Variants in ADAMTSL1 observed in about 807,000 individuals in gnomAD.
The protein encoded by ADAMTSL1 is ADAMTS-like protein 1.
In ADAMTSL1, 126 loss-of-function variants were observed where a neutral mutation model predicts 201.8. That is an observed-to-expected ratio of 0.62 (90% CI 0.54 to 0.72). The LOEUF is 0.72. Among genes scored for constraint, ADAMTSL1 ranks in the 30% least tolerant of loss-of-function variants. The pLI is 0.00. For missense variants in ADAMTSL1, 2,679 were observed against 2,277.8 expected (o/e 1.18, Z -3.59); for synonymous variants, 1,121 against 903.4 (o/e 1.24, Z -4.32).
intron 2 of ADAMTSL1, among the ~76,000 whole-genome samples, chr9:18,217,925 G>T (rs1353167446): frequency 1.3e-5 from 2 of 151,966 alleles, no homozygotes; most frequent in East Asian, 3.9e-4. Flanking sequence ...TGGGAGTGGG[G>T]GTAAGGGTGT....
chr9:18,228,348 C>G (rs1352880132), intron 2 of ADAMTSL1, among the ~76,000 whole-genome samples: 2 of 152,160 alleles, frequency 1.3e-5, no homozygotes, highest in East Asian at 3.9e-4. Context: ...GGGCTAGAGT[C>G]ATTTTGGCCA....
intron 2 of ADAMTSL1, among the ~76,000 whole-genome samples, chr9:18,327,096 A>G (rs1366772865): frequency 1.3e-5 from 2 of 152,246 alleles, no homozygotes; most frequent in Non-Finnish European, 2.9e-5. Context: ...AAATTTTCAA[A>G]TTACTGGTAC....
intron 4 of ADAMTSL1, among the ~76,000 whole-genome samples, chr9:18,585,902 T>C (rs760089898): frequency 2.6e-5 from 4 of 152,092 alleles, no homozygotes; most frequent in Non-Finnish European, 5.9e-5. Context: ...CTCTTCTTGT[T>C]AAAAATTTAA....
At chr9:18,839,701 TC>T (rs1392668300) in intron 23 of ADAMTSL1, among the ~76,000 whole-genome samples, 1 of 152,160 alleles carries the variant, frequency 6.6e-6, no homozygotes, top group Non-Finnish European at 1.5e-5. Context: ...ACCTGTTGTT[TC>T]CTGACTTTTT....
At position 18,138,437 on chromosome 9, in the gene ADAMTSL1, G is replaced by A. The variant is rs899501967; in HGVS notation, c.88-25425G>A. The stretch of plus-strand genomic sequence containing the variant: ...TTTTAGGGAGTAACGAACTTGAGGA[G>A]GCTGTAGGTTTGCAAACCTGCAAAT... On this transcript the variant is annotated intron_variant, in intron 1 of 29. Transcript: ENST00000680146. 2.0e-5 allele frequency among the ~76,000 whole-genome samples: 3 copies of A among 152,110 alleles called. No individual in the cohort carries two copies. The East Asian group carries it at 5.8e-4, about 29-fold the overall frequency.
chr9:18,253,787 C>G (rs1230459788), intron 2 of ADAMTSL1, among the ~76,000 whole-genome samples: 1 of 152,136 alleles, frequency 6.6e-6, no homozygotes, highest in Non-Finnish European at 1.5e-5. Flanking sequence ...TTCCGGAGAT[C>G]TCCCCTTAAA....
At chr9:18,253,321 T>C (rs945463499) in intron 2 of ADAMTSL1, among the ~76,000 whole-genome samples, 4 of 152,234 alleles carry the variant, frequency 2.6e-5, no homozygotes, top group Non-Finnish European at 5.9e-5. Flanking sequence ...TGGATGGAGA[T>C]GACTAATTTC....
intron 2 of ADAMTSL1, among the ~76,000 whole-genome samples, chr9:18,196,117 C>G (rs1829166982): frequency 6.6e-6 from 1 of 152,070 alleles, no homozygotes; most frequent in African/African-American, 2.4e-5. Context: ...TGCCATTCAT[C>G]TACTACATAG....
At chr9:18,081,500 C>G (rs904228376) in intron 1 of ADAMTSL1, among the ~76,000 whole-genome samples, 3 of 152,090 alleles carry the variant, frequency 2.0e-5, no homozygotes, top group Non-Finnish European at 4.4e-5. Context: ...AAACATTTAA[C>G]AAGTCTTCAT....
intron 1 of ADAMTSL1, among the ~76,000 whole-genome samples, chr9:18,061,667 T>C (rs1453198273): frequency 6.6e-6 from 1 of 152,200 alleles, no homozygotes; most frequent in Non-Finnish European, 1.5e-5. Flanking sequence ...GCAGTATAAA[T>C]ATAGCATTCA....
At chr9:17,928,507 G>C (rs1482741310) in intron 1 of ADAMTSL1, among the ~76,000 whole-genome samples, 1 of 152,184 alleles carries the variant, frequency 6.6e-6, no homozygotes, top group Non-Finnish European at 1.5e-5. Context: ...GAGGATTCTT[G>C]TGTTTAGTCT....
At chr9:18,570,653 C>G (rs898290295) in intron 3 of ADAMTSL1, among the ~76,000 whole-genome samples, 2 of 152,158 alleles carry the variant, frequency 1.3e-5, no homozygotes, top group Admixed American at 1.3e-4. Flanking sequence ...TTTCTTAAGT[C>G]CTTTTTCTTA....
intron 15 of ADAMTSL1, among the ~76,000 whole-genome samples, chr9:18,735,396 C>G (rs958102682): frequency 2.0e-5 from 3 of 152,152 alleles, no homozygotes; most frequent in African/African-American, 7.2e-5. Context: ...TTTAAGGCAT[C>G]CCTTCATCCC....
chr9:18,008,958 G>A lies in ADAMTSL1; in HGVS notation c.87+102036G>A, dbSNP rs529043998. Among the ~76,000 whole-genome samples the A allele has an allele frequency of 5.3e-5, 8 of 152,062 alleles. No homozygotes were observed. In the South Asian group the frequency reaches 1.5e-3, roughly 28 times the overall value. On this transcript the variant is annotated intron_variant, in intron 1 of 29. Transcript: ENST00000680146. The stretch of plus-strand genomic sequence containing the variant: ...AGATTTGCTGGAACAGGGCATCATC[G>A]ATCCAAAGGAAGAGAGGACTGGACA...
chr9:18,514,675 G>T (rs145428200), intron 2 of ADAMTSL1, among the ~76,000 whole-genome samples: 1 of 152,066 alleles, frequency 6.6e-6, no homozygotes, highest in Non-Finnish European at 1.5e-5. Flanking sequence ...TACTCAATTT[G>T]TTTATTAGTC....
rs553332972 is a variant in ADAMTSL1, at chr9:18,875,377, T to G, written c.4250-12454T>G. Among the ~76,000 whole-genome samples the G allele has an allele frequency of 5.3e-5, 8 of 152,298 alleles. No homozygotes were observed. The South Asian group carries it at 1.2e-3, about 24-fold the overall frequency. On this transcript the variant is annotated intron_variant, in intron 23 of 28. Coordinates refer to ENST00000380548, the MANE Select transcript of ADAMTSL1 (RefSeq NM_001040272.6). ...ATTTGTGCTCTTTCAGACTTTTTAA[T>G]GTAGACATTCAATGCTGTGAACTTT...
At chr9:18,649,790 C>T (rs573880153) in intron 7 of ADAMTSL1, among the ~76,000 whole-genome samples, 7 of 152,058 alleles carry the variant, frequency 4.6e-5, no homozygotes, top group Admixed American at 4.6e-4. Context: ...AGGTGTCAGT[C>T]TGCCCCTACT....
chr9:18,811,522 A>G (rs1823509253), intron 20 of ADAMTSL1, among the ~76,000 whole-genome samples: 1 of 152,220 alleles, frequency 6.6e-6, no homozygotes, highest in Non-Finnish European at 1.5e-5. Context: ...CACTTGGGTA[A>G]CAAAAGAGGC....
intron 1 of ADAMTSL1, among the ~76,000 whole-genome samples, chr9:18,023,483 C>G (rs767367746): frequency 5.3e-5 from 8 of 152,150 alleles, no homozygotes; most frequent in Non-Finnish European, 8.8e-5. Context: ...CAGATGGGGT[C>G]AAGAACCCCA....
Sources: gnomAD v4.1 joint callset for allele counts (sites outside exome capture counted in the v4.1 genomes callset) on GRCh38, gnomAD v4.1.1 for gene constraint, MANE v1.5 for transcripts, NCBI Gene and HGNC (gene_info 2026-07-23, HGNC 2026-07-21) for gene names.